Variants in CD8B2 observed in about 807,000 individuals in gnomAD.
The protein encoded by CD8B2 is T-cell surface glycoprotein CD8 beta-2 chain.
In CD8B2, 11 loss-of-function variants were observed where a neutral mutation model predicts 23.7. That is an observed-to-expected ratio of 0.46 (90% confidence interval 0.29 to 0.77). The LOEUF (loss-of-function observed/expected upper bound fraction) is 0.77, where lower values mean the gene tolerates loss of function less well. Among genes scored for constraint, CD8B2 ranks in the 30% least tolerant of loss-of-function variants. The pLI is 0.09. For missense variants in CD8B2, 197 were observed against 270.5 expected (o/e 0.73, Z 1.91); for synonymous variants, 90 against 109.3 (o/e 0.82, Z 1.10).
chr2:106,497,610 T>C (rs542670058), intron 3 of CD8B2, among the ~76,000 whole-genome samples: 2 of 152,186 alleles, frequency 1.3e-5, no homozygotes, highest in Non-Finnish European at 2.9e-5. Flanking sequence ...GTTTGCTTTG[T>C]CTTAAATATT....
At chr2:106,492,251 C>T (rs1329759823) in intron 2 of CD8B2, among the ~76,000 whole-genome samples, 2 of 152,074 alleles carry the variant, frequency 1.3e-5, no homozygotes, top group African/African-American at 4.8e-5. Flanking sequence ...AGACCTCTGA[C>T]TTAAATCAGC....
At chr2:106,543,638 ACT>A (rs1680210969) in intron 5 of CD8B2, among the ~76,000 whole-genome samples, 2 of 152,164 alleles carry the variant, frequency 1.3e-5, no homozygotes, top group African/African-American at 2.4e-5. Flanking sequence ...ACAGGGCGAG[ACT>A]CTGTCTCAAT....
chr2:106,517,132 C>T (rs1679741530), intron 5 of CD8B2, among the ~76,000 whole-genome samples: 1 of 149,662 alleles, frequency 6.7e-6, no homozygotes, highest in African/African-American at 2.5e-5. Flanking sequence ...TATTTAATTT[C>T]CTAGCTTCCT....
intron 5 of CD8B2, among the ~76,000 whole-genome samples, chr2:106,504,947 T>C (rs1026275092): frequency 6.6e-6 from 1 of 152,146 alleles, no homozygotes; most frequent in Non-Finnish European, 1.5e-5. Flanking sequence ...CCTGCCGCCC[T>C]CGACCCCATC....
rs897852018 is a variant in CD8B2, at chr2:106,509,369, G to A, written c.*2429G>A. The A allele has an allele frequency of 2.0e-5, 3 of 152,110 alleles. No homozygotes were observed. The highest frequency in any genetic ancestry group is 4.4e-5 in the Non-Finnish European group (3 of 68,034). The allele number at this position is 152,110 out of a possible 1,614,324, so 9.4% of individuals were successfully genotyped here. A position where few individuals can be genotyped will look rare whatever the true frequency, so the allele number is the denominator to read the frequency against. On this transcript the variant is annotated 3_prime_UTR_variant, in exon 6 of 6. Transcript: ENST00000643224. Reference sequence around the variant, plus strand: ...CGTGTTTCAGGTGGGCCCCTCACCCGGCCCATCACAAACAAATAAGAGATT... The same window carrying A: ...CGTGTTTCAGGTGGGCCCCTCACCCAGCCCATCACAAACAAATAAGAGATT...
At position 106,507,096 on chromosome 2, in the gene CD8B2, G is replaced by T; in HGVS notation, c.*156G>T. 1 of 1,514,022 alleles carries T rather than the reference G, an allele frequency of 6.6e-7. No homozygotes were observed. The highest frequency in any genetic ancestry group is 8.8e-7 in the Non-Finnish European group (1 of 1,132,596). The allele number at this position is 1,514,022 out of a possible 1,614,324, so 93.8% of individuals were successfully genotyped here. ...ACTGCTGCAAGGCCTTTCTGTGTGT[G>T]ACGTGCATGGGAGCAACTTGTTTGT... On this transcript the variant is annotated 3_prime_UTR_variant, in exon 6 of 6. Coordinates refer to ENST00000643224, the MANE Select transcript of CD8B2 (RefSeq NM_001349727.2).
At chr2:106,516,054 T>G (rs1437643856), downstream of CD8B2, among the ~76,000 whole-genome samples, 1 of 151,982 alleles carries the variant, frequency 6.6e-6, no homozygotes, top group African/African-American at 2.4e-5. Context: ...GATCTCGAAC[T>G]CCTGACCTCA....
Position 106,510,734 on chromosome 2 carries a change from A to G in CD8B2, c.*3794A>G, listed in dbSNP as rs527955142. The G allele has an allele frequency of 1.3e-5, 2 of 152,264 alleles. No homozygotes were observed. The highest frequency in any genetic ancestry group is 4.8e-5 in the African/African-American group (2 of 41,536). The allele number at this position is 152,264 out of a possible 1,614,324, so 9.4% of individuals were successfully genotyped here. On this transcript the variant is annotated 3_prime_UTR_variant, in exon 6 of 6. Transcript: ENST00000643224. ...GCAACACAGACAGACCTTGTCTCAA[A>G]AATAAATTTTTTCTAAAAAAAGTTT...
intron 5 of CD8B2, among the ~76,000 whole-genome samples, chr2:106,541,885 G>A (rs1006255404): frequency 4.3e-4 from 66 of 152,294 alleles, no homozygotes; most frequent in African/African-American, 1.5e-3. Context: ...TGGCAGAGCT[G>A]TATCCAGAGC....
At position 106,535,961 on chromosome 2, in the gene CD8B2, C is replaced by T. The variant is rs370492491; in HGVS notation, c.621-8031C>T. 4.6e-5 allele frequency among the ~76,000 whole-genome samples: 7 copies of T among 151,348 alleles called. No homozygotes were observed. The East Asian group carries it at 1.2e-3, about 25-fold the overall frequency. On this transcript the variant is annotated intron_variant, in intron 5 of 5. Coordinates refer to the CD8B2 transcript ENST00000416057. The stretch of plus-strand genomic sequence containing the variant: ...AAGTTTTCAATAATGGTGGAAGGCA[C>T]GCAGGGGAGGCAGGTATGTCTTACA...
At chr2:106,496,608 C>T (rs554118375) in intron 3 of CD8B2, among the ~76,000 whole-genome samples, 4 of 152,160 alleles carry the variant, frequency 2.6e-5, no homozygotes, top group South Asian at 2.1e-4. Context: ...TATTTATTAT[C>T]GTGGAATATT....
chr2:106,533,468 GT>G (rs538241157), intron 5 of CD8B2, among the ~76,000 whole-genome samples: 5 of 152,128 alleles, frequency 3.3e-5, no homozygotes, highest in Non-Finnish European at 7.4e-5. Flanking sequence ...GAGTTGAACT[GT>G]GAAATCCTAT....
downstream of CD8B2, among the ~76,000 whole-genome samples, chr2:106,511,571 G>A (rs1259189904): frequency 3.4e-5 from 5 of 145,706 alleles, no homozygotes; most frequent in South Asian, 9.3e-4. Context: ...CCTCACCCCC[G>A]CCCCGCAGCT....
chr2:106,490,862 G>C lies in CD8B2; in HGVS notation c.44-12G>C. 1.3e-6 allele frequency: 2 copies of C among 1,560,688 alleles called. No individual in the cohort carries two copies. The highest frequency in any genetic ancestry group is 3.7e-5 in the Admixed American group (2 of 54,300). ...GAAAATGTGCGATGTCTCTGTTCTT[G>C]GCTTTTCCTAGTTCTCCATGGCAAC... On this transcript the variant is annotated splice_polypyrimidine_tract_variant and intron_variant, in intron 1 of 5. Transcript: ENST00000643224.
intron 2 of CD8B2, 46 bp from the exon 3 acceptor site, chr2:106,496,127 G>A (rs1459780134): frequency 7.1e-6 from 11 of 1,548,480 alleles, no homozygotes; most frequent in African/African-American, 4.1e-5. Context: ...TTGAGTCCAC[G>A]TGGTGTTCAC....
chr2:106,502,481 T>C lies in CD8B2; in HGVS notation c.501T>C (p.Leu167=), dbSNP rs1487755326. 3 of 1,569,816 alleles carry C rather than the reference T, an allele frequency of 1.9e-6. No individual in the cohort carries two copies. The highest frequency in any genetic ancestry group is 2.6e-6 in the Non-Finnish European group (3 of 1,154,858). ...LPRPETQKGP[L]CSPVTLGLLV... ...CACATGTGTGTTTTCCAGGCCCACT[T>C]TGTAGCCCCGTCACCCTTGGCCTGC... Residue 167 remains leucine, a synonymous_variant, in exon 4 of 6, where the codon CTT becomes CTC. Coordinates refer to ENST00000643224, the MANE Select transcript of CD8B2 (RefSeq NM_001349727.2).
At chr2:106,503,354 G>A (rs1166402869) in intron 4 of CD8B2, among the ~76,000 whole-genome samples, 3 of 151,844 alleles carry the variant, frequency 2.0e-5, no homozygotes, top group East Asian at 1.9e-4. Flanking sequence ...TTGAACATAC[G>A]ATGAAAATAA....
Position 106,509,164 on chromosome 2 carries a change from C to G in CD8B2, c.*2224C>G, listed in dbSNP as rs1429499711. The G allele has an allele frequency of 1.3e-5, 2 of 152,296 alleles. No individual in the cohort carries two copies. The highest frequency in any genetic ancestry group is 4.8e-5 in the African/African-American group (2 of 41,450). 9.4% of individuals were successfully genotyped at this position (152,296 alleles called of 1,614,324 possible). A position where few individuals can be genotyped will look rare whatever the true frequency, so the allele number is the denominator to read the frequency against. On this transcript the variant is annotated 3_prime_UTR_variant, in exon 6 of 6. Transcript: ENST00000643224. ...CAGACATAGATGTTTCTCCTTGATTCAGCACGAATTGGCCTTAGATTCCCT... is the reference window on the plus strand; with the variant it reads ...CAGACATAGATGTTTCTCCTTGATTGAGCACGAATTGGCCTTAGATTCCCT...
intron 5 of CD8B2, among the ~76,000 whole-genome samples, chr2:106,523,284 T>C (rs1197691584): frequency 1.3e-5 from 2 of 152,204 alleles, no homozygotes; most frequent in Non-Finnish European, 2.9e-5. Flanking sequence ...TAAAACTTCC[T>C]TACTATCCTG....
Sources: allele counts gnomAD v4.1 joint callset (sites outside exome capture counted in the v4.1 genomes callset), GRCh38; gene constraint gnomAD v4.1.1; transcripts MANE v1.5; gene names NCBI Gene and HGNC (gene_info 2026-07-23, HGNC 2026-07-21).